CDH18: variants seen among roughly 807,000 people sequenced by gnomAD.
CDH18 encodes the protein cadherin 18.
In CDH18, 31 loss-of-function variants were observed where a neutral mutation model predicts 67.9. That is an observed-to-expected ratio of 0.46 (90% confidence interval 0.34 to 0.62). The LOEUF is 0.62. Among genes scored for constraint, CDH18 ranks in the 20% least tolerant of loss-of-function variants. The probability of loss-of-function intolerance (pLI) is 0.01; values close to 1 mark genes in which losing one functional copy is unlikely to be tolerated. For missense variants in CDH18, 890 were observed against 975.5 expected (o/e 0.91, Z 1.17); for synonymous variants, 362 against 347.2 (o/e 1.04, Z -0.48).
intron 1 of CDH18, among the ~76,000 whole-genome samples, chr5:20,473,942 T>A (rs1209538071): frequency 1.3e-5 from 2 of 152,210 alleles, no homozygotes; most frequent in African/African-American, 4.8e-5. Context: ...CCTTGCCTTA[T>A]GAATTTGTAA....
intron 1 of CDH18, among the ~76,000 whole-genome samples, chr5:20,320,864 C>A (rs1256301456): frequency 6.6e-6 from 1 of 152,136 alleles, no homozygotes; most frequent in East Asian, 1.9e-4. Context: ...GCAGGCAACT[C>A]TAGTGGCCAG....
At chr5:20,141,135 T>C (rs1750208266) in intron 2 of CDH18, among the ~76,000 whole-genome samples, 1 of 152,190 alleles carries the variant, frequency 6.6e-6, no homozygotes, top group Admixed American at 6.6e-5. Flanking sequence ...GGCATGTTTC[T>C]ATTTTGGTAC....
At chr5:19,485,257 T>C (rs1740182789) in intron 11 of CDH18, among the ~76,000 whole-genome samples, 1 of 148,596 alleles carries the variant, frequency 6.7e-6, no homozygotes, top group African/African-American at 2.5e-5. Flanking sequence ...AGCTGTCTAT[T>C]CTTTTTTTTT....
At chr5:19,764,036 C>T (rs1329600310) in intron 3 of CDH18, among the ~76,000 whole-genome samples, 3 of 139,610 alleles carry the variant, frequency 2.1e-5, no homozygotes, top group African/African-American at 7.9e-5. Context: ...GGTGTGGTGG[C>T]AGATGCCTGT....
chr5:20,419,185 A>T (rs1307535488), intron 1 of CDH18, among the ~76,000 whole-genome samples: 2 of 151,746 alleles, frequency 1.3e-5, no homozygotes, highest in Non-Finnish European at 2.9e-5. Flanking sequence ...TTGCTTCTCA[A>T]TTTTTTTCTC....
intron 1 of CDH18, among the ~76,000 whole-genome samples, chr5:20,335,739 T>C (rs1739665879): frequency 6.6e-6 from 1 of 151,730 alleles, no homozygotes; most frequent in Non-Finnish European, 1.5e-5. Context: ...GTCTGAAACA[T>C]AGTAGAATCT....
intron 1 of CDH18, among the ~76,000 whole-genome samples, chr5:20,350,662 C>T (rs1741093433): frequency 6.6e-6 from 1 of 152,010 alleles, no homozygotes; most frequent in African/African-American, 2.4e-5. Context: ...ATGGGTTTAG[C>T]TATATGAGGA....
intron 7 of CDH18, among the ~76,000 whole-genome samples, chr5:19,575,315 C>T (rs1421667972): frequency 1.3e-5 from 2 of 152,070 alleles, no homozygotes; most frequent in Non-Finnish European, 2.9e-5. Context: ...CAACATTCAC[C>T]ATGGTGATGA....
chr5:19,912,718 T>C (rs1461313235), intron 2 of CDH18, among the ~76,000 whole-genome samples: 2 of 152,148 alleles, frequency 1.3e-5, no homozygotes, highest in African/African-American at 4.8e-5. Flanking sequence ...GGCAGAAAGA[T>C]TTGAGTTTAG....
At chr5:19,523,123 A>G (rs2126921385) in intron 9 of CDH18, among the ~76,000 whole-genome samples, 1 of 152,134 alleles carries the variant, frequency 6.6e-6, no homozygotes, top group South Asian at 2.1e-4. Context: ...TGTTATTCAC[A>G]TAATAATAAT....
intron 6 of CDH18, among the ~76,000 whole-genome samples, chr5:19,611,120 A>G (rs1284419556): frequency 1.3e-5 from 2 of 152,336 alleles, no homozygotes; most frequent in East Asian, 3.9e-4. Flanking sequence ...CTAAGTTCGC[A>G]AAACAATTAA....
intron 2 of CDH18, among the ~76,000 whole-genome samples, chr5:20,078,645 G>T (rs1415930962): frequency 6.6e-6 from 1 of 151,816 alleles, no homozygotes; most frequent in Non-Finnish European, 1.5e-5. Flanking sequence ...CTGTCACCCA[G>T]GCTGGAGTGC....
chr5:20,473,964 T>C (rs1581067788), intron 1 of CDH18, among the ~76,000 whole-genome samples: 2 of 152,224 alleles, frequency 1.3e-5, no homozygotes, highest in African/African-American at 4.8e-5. Context: ...TGCTGTTCAC[T>C]AGTAAAAATA....
At chr5:19,855,712 G>T (rs771425244) in intron 2 of CDH18, among the ~76,000 whole-genome samples, 3 of 151,852 alleles carry the variant, frequency 2.0e-5, no homozygotes, top group Admixed American at 6.6e-5. Flanking sequence ...CAGTAGTAAT[G>T]GTTTAATAAT....
chr5:19,481,256 T>C (rs775343206), intron 12 of CDH18, among the ~76,000 whole-genome samples: 1 of 152,168 alleles, frequency 6.6e-6, no homozygotes. Flanking sequence ...TTGAATGAAG[T>C]GGACTTCCAG....
intron 2 of CDH18, among the ~76,000 whole-genome samples, chr5:20,218,081 T>A (rs1740920637): frequency 6.6e-6 from 1 of 151,868 alleles, no homozygotes; most frequent in Non-Finnish European, 1.5e-5. Context: ...GAGATTTTAA[T>A]ACCCCACTTT....
At chr5:20,035,585 A>C (rs907693630) in intron 2 of CDH18, among the ~76,000 whole-genome samples, 3 of 152,006 alleles carry the variant, frequency 2.0e-5, no homozygotes, top group African/African-American at 7.2e-5. Flanking sequence ...AAACCATCAG[A>C]TCTCATAAGA....
chr5:20,550,532 A>T (rs1360218526), intron 1 of CDH18, among the ~76,000 whole-genome samples: 1 of 152,338 alleles, frequency 6.6e-6, no homozygotes, highest in South Asian at 2.1e-4. Context: ...TGTAACATTA[A>T]TGTTGTCCAT....
At chr5:19,501,861 T>C (rs3805425) in intron 11 of CDH18, among the ~76,000 whole-genome samples, 43,064 of 152,096 alleles carry the variant, frequency 0.28, 6,273 homozygotes, top group South Asian at 0.4. Flanking sequence ...ATACTAAGTA[T>C]ATTTGAATTA....
Sources: allele counts gnomAD v4.1 joint callset (sites outside exome capture counted in the v4.1 genomes callset), GRCh38; gene constraint gnomAD v4.1.1; transcripts MANE v1.5; gene names NCBI Gene and HGNC (gene_info 2026-07-23, HGNC 2026-07-21).